The following IL1RAPL1 variants were observed in gnomAD, a reference collection of about 807,000 sequenced individuals.
The protein encoded by IL1RAPL1 is interleukin 1 receptor accessory protein like 1.
IL1RAPL1 carries 3 observed loss-of-function variants against 48.4 expected under a neutral mutation model. That is an observed-to-expected ratio of 0.06 (90% confidence interval 0.03 to 0.16). IL1RAPL1 has a LOEUF of 0.16. IL1RAPL1 is among the 10% of genes least tolerant of loss of function. The pLI, the probability that IL1RAPL1 is intolerant of heterozygous loss-of-function variation, is 1.00. For synonymous variants in IL1RAPL1, 185 were observed against 187.7 expected, an observed-to-expected ratio of 0.99 and a Z score of 0.12; for missense variants, 349 against 530.6, an observed-to-expected ratio of 0.66 and a Z score of 3.36.
intron 1 of IL1RAPL1, among the ~76,000 whole-genome samples, chrX:28,708,553 A>C: frequency 8.9e-6 from 1 of 112,060 alleles, no homozygotes; most frequent in Admixed American, 9.5e-5. Context: ...GAATCCACAT[A>C]AGTGTTCATG....
chrX:29,289,285 GT>G (rs1932335597), intron 3 of IL1RAPL1, among the ~76,000 whole-genome samples: 1 of 112,233 alleles, frequency 8.9e-6, no homozygotes, highest in South Asian at 3.7e-4. Context: ...TTAAGTCTTA[GT>G]TTTATGGGGT....
intron 2 of IL1RAPL1, among the ~76,000 whole-genome samples, chrX:29,197,811 C>T (rs373743100): frequency 1.9e-5 from 2 of 107,206 alleles, no homozygotes; most frequent in African/African-American, 6.9e-5. Flanking sequence ...CTGGTTCAAG[C>T]GATTCTCCTG....
At chrX:29,320,391 A>G (rs765863653) in intron 3 of IL1RAPL1, among the ~76,000 whole-genome samples, 1 of 112,494 alleles carries the variant, frequency 8.9e-6, no homozygotes, top group East Asian at 2.8e-4. Context: ...ACAAGAATAT[A>G]AATGCCTTAA....
intron 6 of IL1RAPL1, among the ~76,000 whole-genome samples, chrX:29,813,857 C>T (rs1930432023): frequency 9.0e-6 from 1 of 111,558 alleles, no homozygotes; most frequent in Admixed American, 9.5e-5. Context: ...GTTTTCTGTT[C>T]CTGTATTAAT....
chrX:29,069,623 T>C (rs1180718594), intron 2 of IL1RAPL1, among the ~76,000 whole-genome samples: 1 of 40,730 alleles, frequency 2.5e-5, no homozygotes, highest in Non-Finnish European at 5.8e-5. Flanking sequence ...GATCTTTTCC[T>C]ATAGAACACA....
chrX:29,781,163 T>A (rs1211290528), intron 6 of IL1RAPL1, among the ~76,000 whole-genome samples: 1 of 112,194 alleles, frequency 8.9e-6, no homozygotes, highest in African/African-American at 3.2e-5. Context: ...ATCATCCTCT[T>A]TTTAACAGCA....
chrX:28,889,785 A>G (rs630169), intron 2 of IL1RAPL1, among the ~76,000 whole-genome samples: 13,138 of 110,541 alleles, frequency 0.12, 769 homozygotes, highest in Non-Finnish European at 0.17. Context: ...CTTACAGCGA[A>G]TTTACAATAT....
At chrX:29,244,966 C>G (rs2147568608) in intron 2 of IL1RAPL1, among the ~76,000 whole-genome samples, 1 of 108,850 alleles carries the variant, frequency 9.2e-6, no homozygotes, top group Admixed American at 9.8e-5. Flanking sequence ...TGATGTTCCC[C>G]TCCCTGTGTC....
In IL1RAPL1 at chrX:29,358,757, G is replaced by A. The variant is rs749979792; in HGVS notation, c.363-37501G>A. On this transcript the variant is annotated intron_variant, in intron 3 of 10. Transcript: ENST00000378993. ...CATCAGGCCGGGCACGGTGGCTCAC[G>A]CCTGTAATCTCAGCACTTTGGGAGG... is the stretch of plus-strand genomic sequence containing the variant. Among the ~76,000 whole-genome samples the A allele has an allele frequency of 3.6e-5, 4 of 110,857 alleles. No homozygotes were observed. In the East Asian group the frequency reaches 1.1e-3, roughly 32 times the overall value.
At chrX:28,624,348 A>G (rs753419559) in intron 1 of IL1RAPL1, among the ~76,000 whole-genome samples, 1 of 111,628 alleles carries the variant, frequency 9.0e-6, no homozygotes, top group African/African-American at 3.3e-5. Context: ...GTCCCACAGC[A>G]TTACTTTTGA....
chrX:29,148,090 G>A (rs1052840778), intron 2 of IL1RAPL1, among the ~76,000 whole-genome samples: 8 of 111,546 alleles, frequency 7.2e-5, no homozygotes, highest in Non-Finnish European at 1.3e-4. Flanking sequence ...ATATCTGCAT[G>A]CATTATATAT....
chrX:29,310,260 C>A (rs1932705153), intron 3 of IL1RAPL1, among the ~76,000 whole-genome samples: 1 of 109,091 alleles, frequency 9.2e-6, no homozygotes, highest in African/African-American at 3.3e-5. Flanking sequence ...GGCATGTGCT[C>A]ACACTATATC....
At chrX:29,621,507 A>G (rs1414264241) in intron 5 of IL1RAPL1, among the ~76,000 whole-genome samples, 1 of 111,240 alleles carries the variant, frequency 9.0e-6, no homozygotes, top group East Asian at 2.8e-4. Context: ...TATACTATCA[A>G]TAAAATATTG....
intron 3 of IL1RAPL1, among the ~76,000 whole-genome samples, chrX:29,387,323 G>T (rs17329386): frequency 0.41 from 45,876 of 111,132 alleles, 7,963 homozygotes; most frequent in Middle Eastern, 0.58. Context: ...TGTTCTGTCT[G>T]TGTCTGCAGA....
intron 2 of IL1RAPL1, among the ~76,000 whole-genome samples, chrX:28,904,150 T>G (rs1456835469): frequency 9.0e-6 from 1 of 111,009 alleles, no homozygotes; most frequent in Non-Finnish European, 1.9e-5. Context: ...GTACCATTAG[T>G]AGGTACCAAG....
rs139781941 is a variant in IL1RAPL1, at chrX:28,946,933, A to G, written c.82+157508A>G. Among the ~76,000 whole-genome samples the G allele has an allele frequency of 4.3e-3, 478 of 111,973 alleles. 4 individuals are homozygous for G. Among genetic ancestry groups the G allele is most frequent in the African/African-American group, 0.015 (451 of 30,904 alleles). On this transcript the variant is annotated intron_variant, in intron 2 of 10. Coordinates refer to ENST00000378993, the MANE Select transcript of IL1RAPL1 (RefSeq NM_014271.4). The stretch of plus-strand genomic sequence containing the variant: ...CAGTGTCAATTCTATTATCTACTTA[A>G]CAAATTTGAACACTGAGGAAACAGT...
At chrX:29,096,053 T>A (rs189646563) in intron 2 of IL1RAPL1, among the ~76,000 whole-genome samples, 269 of 111,841 alleles carry the variant, frequency 2.4e-3, no homozygotes, top group Middle Eastern at 0.014. Flanking sequence ...TCTGAATTTT[T>A]AATTATCTTT....
intron 2 of IL1RAPL1, among the ~76,000 whole-genome samples, chrX:29,030,694 T>A (rs1211860493): frequency 1.8e-5 from 2 of 111,517 alleles, no homozygotes; most frequent in South Asian, 3.7e-4. Context: ...AATAAAGGGC[T>A]TTGGCAAAGA....
At chrX:29,827,111 A>T (rs111392941) in intron 6 of IL1RAPL1, among the ~76,000 whole-genome samples, 3,291 of 112,013 alleles carry the variant, frequency 0.029, 126 homozygotes, top group African/African-American at 0.1. Context: ...ATGACTACTG[A>T]TGTTGAACGT....
Sources: allele counts gnomAD v4.1 joint callset (sites outside exome capture counted in the v4.1 genomes callset), GRCh38; gene constraint gnomAD v4.1.1; transcripts MANE v1.5; gene names NCBI Gene and HGNC (gene_info 2026-07-23, HGNC 2026-07-21).